Variants in CEP97 observed in about 807,000 individuals in gnomAD.
CEP97 encodes the protein centrosomal protein 97.
A neutral mutation model predicts 73.1 loss-of-function variants in CEP97; 43 were observed. The ratio of observed to expected loss-of-function variants is 0.59; its 90% CI spans 0.46 to 0.76. The LOEUF (loss-of-function observed/expected upper bound fraction) is 0.76. CEP97 is among the 30% of genes least tolerant of loss of function. CEP97 has a pLI of 0.00. For missense variants in CEP97, 939 were observed against 1,014.0 expected (o/e 0.93, Z 1.00); for synonymous variants, 337 against 370.0 (o/e 0.91, Z 1.02).
At chr3:101,745,489 C>T (rs1938584401) in intron 6 of CEP97, among the ~76,000 whole-genome samples, 2 of 151,732 alleles carry the variant, frequency 1.3e-5, no homozygotes, top group South Asian at 2.1e-4. Flanking sequence ...GGGTCTGGAA[C>T]TTCTGGGCTC....
At chr3:101,745,771 A>T (rs1478973538) in intron 6 of CEP97, among the ~76,000 whole-genome samples, 1 of 151,466 alleles carries the variant, frequency 6.6e-6, no homozygotes, top group Non-Finnish European at 1.5e-5. Context: ...ATTTATTATT[A>T]TACTTTAAGT....
chr3:101,728,876 T>C lies in CEP97; in HGVS notation c.386T>C (p.Leu129Pro). 1 of 1,609,066 alleles carries C rather than the reference T, an allele frequency of 6.2e-7. No individual in the cohort carries two copies. Among genetic ancestry groups the C allele is most frequent in the Non-Finnish European group, 8.5e-7 (1 of 1,175,354 alleles). ...AATAGCTGCACAGCTCTACAGCATC[T>C]CGATTTATCAGACAATAATATATCC... ...QINSCTALQH[L>P]DLSDNNISQI... The change falls in exon 4 of 11, where the codon CTC (leucine) becomes CCC (proline). Residue 129 changes from leucine (L) to proline (P), a missense_variant. By Grantham distance (98) the Leu-to-Pro change is moderately conservative. Coordinates refer to ENST00000341893, the MANE Select transcript of CEP97 (RefSeq NM_024548.4).
At position 101,765,639 on chromosome 3, in the gene CEP97, TA is replaced by T. The variant is rs1296950701; in HGVS notation, c.*89del. 67 of 1,018,772 alleles carry T rather than the reference TA, an allele frequency of 6.6e-5. No individual in the cohort carries two copies. Among genetic ancestry groups the T allele is most frequent in the Middle Eastern group, 2.3e-4 (1 of 4,414 alleles). 63.1% of individuals were successfully genotyped at this position (1,018,772 alleles called of 1,614,324 possible). A position where few individuals can be genotyped will look rare whatever the true frequency, so the allele number is the denominator to read the frequency against. On this transcript the variant is annotated 3_prime_UTR_variant, in exon 11 of 11. Transcript: ENST00000341893. Reference sequence around the variant, plus strand: ...CTTTTTTTTGGAGGGAAATACTCCCTACCCCTAATTTTGTTACTACTTATAT... The same window carrying T: ...CTTTTTTTTGGAGGGAAATACTCCCTCCCCTAATTTTGTTACTACTTATAT...
Position 101,746,360 on chromosome 3 carries a change from C to T in CEP97, c.729-9070C>T, listed in dbSNP as rs202163792. ...GATCAATGGAACAGAACAGAGCCCT[C>T]AGAAATAACGCCGCATATCTACAAC... is the stretch of plus-strand genomic sequence containing the variant. On this transcript the variant is annotated intron_variant, in intron 6 of 10. Transcript: ENST00000341893. 7.5e-4 allele frequency among the ~76,000 whole-genome samples: 114 copies of T among 151,694 alleles called. 2 individuals are homozygous for T. Among genetic ancestry groups the T allele is most frequent in the East Asian group, 3.7e-3 (19 of 5,162 alleles).
intron 6 of CEP97, among the ~76,000 whole-genome samples, chr3:101,743,865 A>G (rs1938531828): frequency 1.3e-5 from 2 of 151,922 alleles, no homozygotes; most frequent in South Asian, 4.2e-4. Context: ...TTAGCTGGGT[A>G]TGGTCGCGCG....
intron 10 of CEP97, 38 bp from the exon 11 acceptor site, chr3:101,764,807 CTT>C: frequency 2.6e-6 from 4 of 1,522,252 alleles, no homozygotes; most frequent in Non-Finnish European, 3.5e-6. Context: ...AAAAACAACA[CTT>C]TTTATTTTAT....
In CEP97 at chr3:101,757,023, T is replaced by C. The variant is rs372730278; in HGVS notation, c.894-40T>C. 3.3e-6 allele frequency: 5 copies of C among 1,531,278 alleles called. No homozygotes were observed. In the African/African-American group the frequency reaches 7.1e-5, roughly 22 times the overall value. The allele number at this position is 1,531,278 out of a possible 1,614,324, so 94.9% of individuals were successfully genotyped here. The stretch of plus-strand genomic sequence containing the variant: ...AGGAAGCAGAAAATCTTTCTTTTTT[T>C]GGTTTGTGTTAAATTAGACCAGGTA... On this transcript the variant is annotated intron_variant, in intron 7 of 10. Coordinates refer to ENST00000341893, the MANE Select transcript of CEP97 (RefSeq NM_024548.4).
intron 7 of CEP97, among the ~76,000 whole-genome samples, chr3:101,755,974 TCTC>T (rs1273368254): frequency 2.6e-5 from 4 of 152,140 alleles, no homozygotes; most frequent in African/African-American, 4.8e-5. Context: ...TTCAAGCAGT[TCTC>T]CTGCTTCGGC....
chr3:101,738,958 A>C (rs1278783036), intron 6 of CEP97, among the ~76,000 whole-genome samples: 3 of 152,206 alleles, frequency 2.0e-5, no homozygotes, highest in Non-Finnish European at 4.4e-5. Context: ...AAGAGAGAAG[A>C]ATCAAATAGA....
rs11445807 is a variant in CEP97 at position 101,747,698 on chromosome 3, AT to A, written c.729-7718del. On this transcript the variant is annotated intron_variant, in intron 6 of 10. Transcript: ENST00000341893. ...CTGCCACCCTAGTAGCTGGTATTAC[AT>A]TTTTTTTTTTTTTAAAGAGACAGAG... Among the ~76,000 whole-genome samples, 352 of 143,092 alleles carry A rather than the reference AT, an allele frequency of 2.5e-3. 3 individuals are homozygous for A. The highest frequency in any genetic ancestry group is 7.2e-3 in the African/African-American group (279 of 38,706). The allele number at this position is 143,092 out of a possible 152,430, so 93.9% of individuals were successfully genotyped here.
chr3:101,738,873 CA>C (rs1234621611), intron 6 of CEP97, among the ~76,000 whole-genome samples: 1 of 152,022 alleles, frequency 6.6e-6, no homozygotes, highest in Non-Finnish European at 1.5e-5. Flanking sequence ...AAAAACCCTT[CA>C]AAAAATCAAT....
Position 101,768,049 on chromosome 3 carries a change from C to T in CEP97, c.*2498C>T, listed in dbSNP as rs546469858. On this transcript the variant is annotated 3_prime_UTR_variant, in exon 11 of 11. Coordinates refer to ENST00000341893, the MANE Select transcript of CEP97 (RefSeq NM_024548.4). ...CATGGTCTTTGTGTTTTTTTCCTAA[C>T]AAGGAAAGGTTTAGTTCAGCTGTGC... is the stretch of plus-strand genomic sequence containing the variant. The T allele has an allele frequency of 2.6e-5, 4 of 152,164 alleles. No homozygotes were observed. In the East Asian group the frequency reaches 7.7e-4, roughly 29 times the overall value. The allele number at this position is 152,164 out of a possible 1,614,324, so 9.4% of individuals were successfully genotyped here.
intron 6 of CEP97, 101 bp downstream of exon 6, chr3:101,732,755 A>G: frequency 9.7e-7 from 1 of 1,033,094 alleles, no homozygotes; most frequent in South Asian, 1.7e-5. Flanking sequence ...TTTAGATAAC[A>G]AGAGTATTAG....
chr3:101,751,207 A>G (rs1413618802), intron 6 of CEP97, among the ~76,000 whole-genome samples: 7 of 152,158 alleles, frequency 4.6e-5, no homozygotes, highest in Non-Finnish European at 1.0e-4. Flanking sequence ...TTCAGTTACC[A>G]TGTAGTTGAG....
intron 6 of CEP97, among the ~76,000 whole-genome samples, chr3:101,736,800 A>G (rs1553788435): frequency 6.6e-6 from 1 of 152,240 alleles, no homozygotes; most frequent in African/African-American, 2.4e-5. Flanking sequence ...CCCGCAAAGG[A>G]TCACAACTGC....
intron 6 of CEP97, among the ~76,000 whole-genome samples, chr3:101,740,840 C>T (rs1037964346): frequency 4.6e-5 from 7 of 152,206 alleles, no homozygotes; most frequent in Admixed American, 6.5e-5. Context: ...CCACCCGCCT[C>T]GGCCTCCCAA....
intron 9 of CEP97, among the ~76,000 whole-genome samples, chr3:101,760,682 T>C (rs1232642677): frequency 6.6e-6 from 1 of 151,978 alleles, no homozygotes; most frequent in Admixed American, 6.6e-5. Context: ...GCTGGGACTA[T>C]AGGCATGCAC....
intron 6 of CEP97, among the ~76,000 whole-genome samples, chr3:101,747,385 G>A (rs1303899305): frequency 1.5e-5 from 2 of 136,674 alleles, no homozygotes; most frequent in Non-Finnish European, 1.6e-5. Flanking sequence ...TCAGCCTCCC[G>A]AGTAGCTGGG....
intron 6 of CEP97, among the ~76,000 whole-genome samples, chr3:101,754,707 T>C (rs1156686002): frequency 6.6e-6 from 1 of 152,170 alleles, no homozygotes; most frequent in Non-Finnish European, 1.5e-5. Flanking sequence ...TTTGCTTTCT[T>C]TTCTCTCTCT....
Sources: allele counts gnomAD v4.1 joint callset (sites outside exome capture counted in the v4.1 genomes callset), GRCh38; gene constraint gnomAD v4.1.1; transcripts MANE v1.5; gene names NCBI Gene and HGNC (gene_info 2026-07-23, HGNC 2026-07-21).